Variants in CD47 observed in about 807,000 individuals in gnomAD.
The protein encoded by CD47 is CD47 molecule, also known as leukocyte surface antigen CD47.
Under a neutral mutation model 44.6 loss-of-function variants are expected in CD47, and 11 were observed. That is an observed-to-expected ratio of 0.25 (90% CI 0.16 to 0.41). The LOEUF (loss-of-function observed/expected upper bound fraction) is 0.41. Among genes scored for constraint, CD47 ranks in the 10% least tolerant of loss-of-function variants. The pLI is 1.00. For synonymous variants in CD47, 140 were observed against 136.3 expected (o/e 1.03, Z -0.19); for missense variants, 306 against 386.7 (o/e 0.79, Z 1.75).
intron 2 of CD47, among the ~76,000 whole-genome samples, chr3:108,073,058 C>T (rs2079237978): frequency 6.7e-6 from 1 of 149,796 alleles, no homozygotes. Context: ...CCCATTTCTT[C>T]AGTTGCTTGA....
intron 8 of CD47, chr3:108,050,893 G>C: frequency 5.0e-6 from 2 of 399,710 alleles, no homozygotes; most frequent in Non-Finnish European, 4.9e-6. Flanking sequence ...CTAAAAATAT[G>C]AAAGTGCAAG....
rs2078728302 is a variant in CD47, at chr3:108,046,759, T to C, written c.*529A>G. On this transcript the variant is annotated 3_prime_UTR_variant, in exon 11 of 11. Coordinates refer to ENST00000361309, the MANE Select transcript of CD47 (RefSeq NM_001777.4). ...AGATGCTCCCAACCAAATTCCTGCC[T>C]GTACTTAATTTATTATTCCATTGAC... is the stretch of plus-strand genomic sequence containing the variant. 1 of 152,238 alleles carries C rather than the reference T, an allele frequency of 6.6e-6. No homozygotes were observed. The highest frequency in any genetic ancestry group is 1.5e-5 in the Non-Finnish European group (1 of 68,132). 9.4% of individuals were successfully genotyped at this position (152,238 alleles called of 1,614,324 possible).
intron 6 of CD47, among the ~76,000 whole-genome samples, chr3:108,057,968 A>C (rs552007439): frequency 1.3e-5 from 2 of 152,324 alleles, no homozygotes; most frequent in East Asian, 1.9e-4. Flanking sequence ...GGAAGTTTAA[A>C]AAGAAAAGCT....
At chr3:108,087,315 T>C (rs1184945598) in intron 1 of CD47, among the ~76,000 whole-genome samples, 1 of 152,110 alleles carries the variant, frequency 6.6e-6, no homozygotes, top group Non-Finnish European at 1.5e-5. Flanking sequence ...TGTCCACAAG[T>C]TGTACTTAGT....
At chr3:108,089,683 C>T (rs2079590294) in intron 1 of CD47, among the ~76,000 whole-genome samples, 1 of 152,126 alleles carries the variant, frequency 6.6e-6, no homozygotes, top group African/African-American at 2.4e-5. Flanking sequence ...CCAGGATGCT[C>T]GGGGAGGGAG....
intron 10 of CD47, among the ~76,000 whole-genome samples, chr3:108,048,744 T>A (rs923683055): frequency 1.3e-5 from 2 of 152,192 alleles, no homozygotes; most frequent in African/African-American, 2.4e-5. Context: ...TATAGCTTCC[T>A]GAGTTAAATG....
At chr3:108,060,659 A>G in intron 4 of CD47, 86 bp downstream of exon 4, 2 of 842,506 alleles carry the variant, frequency 2.4e-6, no homozygotes, top group East Asian at 2.5e-5. Flanking sequence ...CTGTTCCAAC[A>G]GCCCTAGGAA....
rs1040995863 is a variant in CD47, at chr3:108,044,655, T to C, written c.*2633A>G. ...AAGGAGAAGAGCAAGGCCAAAAAAC[T>C]AATAGAACTAAGCAGAGATGCATAA... is the stretch of plus-strand genomic sequence containing the variant. On this transcript the variant is annotated 3_prime_UTR_variant, in exon 11 of 11. Coordinates refer to ENST00000361309, the MANE Select transcript of CD47 (RefSeq NM_001777.4). 1.3e-5 allele frequency: 2 copies of C among 152,022 alleles called. No homozygotes were observed. The highest frequency in any genetic ancestry group is 4.8e-5 in the African/African-American group (2 of 41,370). 9.4% of individuals were successfully genotyped at this position (152,022 alleles called of 1,614,324 possible).
intron 1 of CD47, among the ~76,000 whole-genome samples, chr3:108,083,585 C>T: frequency 6.6e-6 from 1 of 151,958 alleles, no homozygotes; most frequent in South Asian, 2.1e-4. Context: ...GGACAACGTC[C>T]TTATGGATGG....
intron 3 of CD47, among the ~76,000 whole-genome samples, chr3:108,070,657 G>A (rs2045197): frequency 1 from 151,637 of 152,310 alleles, 75,485 homozygotes; most frequent in Middle Eastern, 1. Flanking sequence ...GGGTGAACAC[G>A]TGTACACAGA....
Position 108,060,835 on chromosome 3 carries a change from C to G in CD47, c.508G>C (p.Gly170Arg), listed in dbSNP as rs781473227. The change falls in exon 4 of 11, where the codon GGT (glycine) becomes CGT (arginine). Residue 170 changes from glycine (G) to arginine (R), a missense_variant. Physicochemically the swap from Gly to Arg is moderately radical, Grantham distance 125. Coordinates refer to ENST00000361309, the MANE Select transcript of CD47 (RefSeq NM_001777.4). ...GCAATTGTTTTCTCATCCATACCAC[C>G]GGATCTATATTTAAGTGCTTAAAAA... ...FGIKTLKYRS[G>R]GMDEKTIALL... The G allele has an allele frequency of 3.7e-6, 6 of 1,609,120 alleles. No individual in the cohort carries two copies. The highest frequency in any genetic ancestry group is 4.3e-6 in the Non-Finnish European group (5 of 1,176,002).
At chr3:108,086,875 T>C (rs2079531198) in intron 1 of CD47, among the ~76,000 whole-genome samples, 1 of 152,132 alleles carries the variant, frequency 6.6e-6, no homozygotes, top group Non-Finnish European at 1.5e-5. Context: ...ATGGTAGAAG[T>C]GAAAAGGTGG....
At chr3:108,058,288 C>A in intron 6 of CD47, 49 bp downstream of exon 6, 1 of 988,362 alleles carries the variant, frequency 1.0e-6, no homozygotes, top group South Asian at 1.7e-5. Context: ...GGAAGAAGAG[C>A]TCTGTCCAAA....
chr3:108,059,041 A>T (rs1277533523), intron 5 of CD47, among the ~76,000 whole-genome samples: 1 of 152,226 alleles, frequency 6.6e-6, no homozygotes, highest in Non-Finnish European at 1.5e-5. Context: ...ATTAAAACAA[A>T]TATGTTTCTA....
chr3:108,088,278 T>C (rs1024276530), intron 1 of CD47, among the ~76,000 whole-genome samples: 2 of 152,186 alleles, frequency 1.3e-5, no homozygotes, highest in African/African-American at 2.4e-5. Context: ...ATGTATCAAT[T>C]TGGGGGGAAA....
chr3:108,047,204 C>T lies in CD47; in HGVS notation c.*84G>A, dbSNP rs2078734114. The T allele has an allele frequency of 2.7e-6, 3 of 1,114,110 alleles. No homozygotes were observed. In the East Asian group the frequency reaches 7.2e-5, roughly 27 times the overall value. The allele number at this position is 1,114,110 out of a possible 1,614,324, so 69.0% of individuals were successfully genotyped here. A position where few individuals can be genotyped will look rare whatever the true frequency, so the allele number is the denominator to read the frequency against. On this transcript the variant is annotated 3_prime_UTR_variant, in exon 11 of 11. Coordinates refer to ENST00000361309, the MANE Select transcript of CD47 (RefSeq NM_001777.4). ...TTGTTTCTTCTCCCCAACAGTGAAT[C>T]ATCAAGGCCATGGTGCTTAAACACA... is the stretch of plus-strand genomic sequence containing the variant.
chr3:108,051,065 G>A (rs2078818165), intron 8 of CD47, among the ~76,000 whole-genome samples: 1 of 152,128 alleles, frequency 6.6e-6, no homozygotes, highest in Non-Finnish European at 1.5e-5. Context: ...CATAGCTATG[G>A]CACCAATCTT....
intron 2 of CD47, among the ~76,000 whole-genome samples, chr3:108,076,903 A>T (rs1158610963): frequency 6.6e-6 from 1 of 152,192 alleles, no homozygotes. Flanking sequence ...ACTAAGAAGA[A>T]TTTGAGGGAC....
At chr3:108,059,268 GCTAACCTAGAATAAC>G (rs2078970741) in intron 5 of CD47, among the ~76,000 whole-genome samples, 169 bp downstream of exon 5, 1 of 152,148 alleles carries the variant, frequency 6.6e-6, no homozygotes, top group African/African-American at 2.4e-5. Context: ...TTACAAAACA[GCTAACCTAGAATAAC>G]CTTAAAATTA....
Sources: allele counts gnomAD v4.1 joint callset (sites outside exome capture counted in the v4.1 genomes callset), GRCh38; gene constraint gnomAD v4.1.1; transcripts MANE v1.5; gene names NCBI Gene and HGNC (gene_info 2026-07-23, HGNC 2026-07-21).